The following NUP93 variants were observed in gnomAD, a reference collection of about 807,000 sequenced individuals.
The protein encoded by NUP93 is nucleoporin 93.
NUP93 carries 55 observed loss-of-function variants against 107.8 expected under a neutral mutation model. The ratio of observed to expected loss-of-function variants is 0.51; its 90% CI spans 0.41 to 0.64. NUP93 has a LOEUF of 0.64. Among genes scored for constraint, NUP93 ranks in the 30% least tolerant of loss-of-function variants. NUP93 has a pLI of 0.00. For missense variants in NUP93, 937 were observed against 1,044.7 expected, an observed-to-expected ratio of 0.90 and a Z score of 1.42; for synonymous variants, 390 against 397.5, an observed-to-expected ratio of 0.98 and a Z score of 0.22.
At chr16:56,825,205 CTTTTTT>C (rs34378384) in intron 8 of NUP93, among the ~76,000 whole-genome samples, 766 of 76,386 alleles carry the variant, frequency 0.01, 10 homozygotes, top group African/African-American at 0.039. Flanking sequence ...CCATACCCAG[CTTTTTT>C]TTTTTTTTTT....
At chr16:56,758,828 G>C (rs1027546361) in intron 3 of NUP93, among the ~76,000 whole-genome samples, 173 bp downstream of exon 3, 3 of 152,144 alleles carry the variant, frequency 2.0e-5, no homozygotes, top group African/African-American at 4.8e-5. Context: ...AAAACATTGG[G>C]TTATTTTCAG....
chr16:56,840,286 C>T (rs932385056), intron 20 of NUP93, among the ~76,000 whole-genome samples: 2 of 152,200 alleles, frequency 1.3e-5, no homozygotes, highest in Non-Finnish European at 2.9e-5. Context: ...TCCCAAAATG[C>T]TGGGATTACA....
At chr16:56,803,208 C>T (rs1469451423) in intron 4 of NUP93, among the ~76,000 whole-genome samples, 1 of 152,302 alleles carries the variant, frequency 6.6e-6, no homozygotes, top group East Asian at 1.9e-4. Flanking sequence ...CCTGTCATCC[C>T]AGCACTTTGG....
intron 3 of NUP93, among the ~76,000 whole-genome samples, chr16:56,773,062 A>C (rs1208417275): frequency 6.6e-6 from 1 of 152,228 alleles, no homozygotes; most frequent in Non-Finnish European, 1.5e-5. Flanking sequence ...TTGTGTGGTG[A>C]GAGCAGAGTA....
At chr16:56,761,710 T>C (rs1384910974) in intron 3 of NUP93, among the ~76,000 whole-genome samples, 2 of 152,250 alleles carry the variant, frequency 1.3e-5, no homozygotes, top group Non-Finnish European at 2.9e-5. Context: ...GACTTTGTAC[T>C]ATCCATCGTT....
intron 3 of NUP93, among the ~76,000 whole-genome samples, chr16:56,767,109 T>G (rs1470961264): frequency 6.6e-6 from 1 of 152,238 alleles, no homozygotes; most frequent in African/African-American, 2.4e-5. Flanking sequence ...CTAAGGCCCT[T>G]GATTCTGACA....
chr16:56,779,997 T>C (rs1300469039), intron 3 of NUP93, among the ~76,000 whole-genome samples: 1 of 152,158 alleles, frequency 6.6e-6, no homozygotes, highest in East Asian at 1.9e-4. Context: ...CAGTACAGTA[T>C]TTATTTGATC....
At chr16:56,762,228 T>C (rs1316277923) in intron 3 of NUP93, among the ~76,000 whole-genome samples, 1 of 152,212 alleles carries the variant, frequency 6.6e-6, no homozygotes, top group Non-Finnish European at 1.5e-5. Flanking sequence ...ACAGACCTAA[T>C]GTGTCATGGA....
At position 56,847,977 on chromosome 16, in the gene NUP93, G is replaced by A. The variant is rs1305500188; in HGVS notation, c.*3368G>A. The A allele has an allele frequency of 6.6e-6, 1 of 152,196 alleles. No individual in the cohort carries two copies. Among genetic ancestry groups the A allele is most frequent in the African/African-American group, 2.4e-5 (1 of 41,446 alleles). 9.4% of individuals were successfully genotyped at this position (152,196 alleles called of 1,614,324 possible). ...TTTGCTGACCAAAAAAAACCTGAGG[G>A]TGATTTTTCTCTCTTTGAATTTTTA... is the stretch of plus-strand genomic sequence containing the variant. On this transcript the variant is annotated 3_prime_UTR_variant, in exon 22 of 22. Transcript: ENST00000308159.
At chr16:56,808,954 A>G (rs1596824467) in intron 5 of NUP93, among the ~76,000 whole-genome samples, 1 of 151,682 alleles carries the variant, frequency 6.6e-6, no homozygotes, top group East Asian at 1.9e-4. Flanking sequence ...CACTATTAGT[A>G]CTTTCTTGTG....
Position 56,848,703 on chromosome 16 carries a change from C to T in NUP93, c.*4094C>T, listed in dbSNP as rs958639304. On this transcript the variant is annotated 3_prime_UTR_variant, in exon 22 of 22. Coordinates refer to ENST00000308159, the MANE Select transcript of NUP93 (RefSeq NM_014669.5). ...TCTGTGCTGCTTTTTTGCCTTGTTA[C>T]GCACATAACTTGTGACTGGCTAGAT... 5 of 152,162 alleles carry T rather than the reference C, an allele frequency of 3.3e-5. No individual in the cohort carries two copies. Among genetic ancestry groups the T allele is most frequent in the East Asian group, 1.9e-4 (1 of 5,200 alleles). 9.4% of individuals were successfully genotyped at this position (152,162 alleles called of 1,614,324 possible). A position where few individuals can be genotyped will look rare whatever the true frequency, so the allele number is the denominator to read the frequency against.
chr16:56,837,265 C>CA (rs1160850439), intron 17 of NUP93, among the ~76,000 whole-genome samples: 1 of 152,040 alleles, frequency 6.6e-6, no homozygotes, highest in Non-Finnish European at 1.5e-5. Flanking sequence ...GAAAAGTAGA[C>CA]AAAAAAACAG....
At chr16:56,814,796 G>A (rs1317377262) in intron 5 of NUP93, among the ~76,000 whole-genome samples, 1 of 152,140 alleles carries the variant, frequency 6.6e-6, no homozygotes, top group Non-Finnish European at 1.5e-5. Context: ...TTTGGTCTCT[G>A]GCTCCCTGCT....
chr16:56,747,313 G>A (rs1479002859), intron 1 of NUP93, among the ~76,000 whole-genome samples: 1 of 152,150 alleles, frequency 6.6e-6, no homozygotes, highest in African/African-American at 2.4e-5. Context: ...TTACCATGGT[G>A]CTACTTTTTA....
chr16:56,767,074 C>G (rs1347009153), intron 3 of NUP93, among the ~76,000 whole-genome samples: 1 of 152,238 alleles, frequency 6.6e-6, no homozygotes, highest in Non-Finnish European at 1.5e-5. Context: ...TCCCCAAGCC[C>G]AGGTTGCTGA....
intron 3 of NUP93, among the ~76,000 whole-genome samples, chr16:56,777,286 T>G (rs1049178733): frequency 2.6e-5 from 4 of 152,146 alleles, no homozygotes; most frequent in South Asian, 2.1e-4. Context: ...CCGAGGTGCA[T>G]TTCGTATCTG....
chr16:56,840,592 ACT>A (rs1453697899), intron 20 of NUP93, among the ~76,000 whole-genome samples: 3 of 151,938 alleles, frequency 2.0e-5, no homozygotes, highest in African/African-American at 7.3e-5. Context: ...AACTATAAAC[ACT>A]CAACTCAGCT....
In NUP93 at chr16:56,730,218, G is replaced by A. The variant is rs1168983703; in HGVS notation, c.-15+7G>A. 6.6e-6 allele frequency: 1 copy of A among 152,302 alleles called. No homozygotes were observed. Among genetic ancestry groups the A allele is most frequent in the African/African-American group, 2.4e-5 (1 of 41,460 alleles). 9.4% of individuals were successfully genotyped at this position (152,302 alleles called of 1,614,324 possible). ...GAGACGGCTGTAGCACAAGGTAAGGGTGTGTCTGGTCGCGTCCTTGCGACC... is the reference window on the plus strand; with the variant it reads ...GAGACGGCTGTAGCACAAGGTAAGGATGTGTCTGGTCGCGTCCTTGCGACC... On this transcript the variant is annotated splice_region_variant and intron_variant, in intron 1 of 21. Transcript: ENST00000308159.
intron 3 of NUP93, among the ~76,000 whole-genome samples, chr16:56,771,333 T>C (rs1304385567): frequency 1.3e-5 from 2 of 152,212 alleles, no homozygotes; most frequent in African/African-American, 4.8e-5. Context: ...TAAGATAGAT[T>C]AGTTACTGTA....
Sources: gnomAD v4.1 joint callset for allele counts (sites outside exome capture counted in the v4.1 genomes callset) on GRCh38, gnomAD v4.1.1 for gene constraint, MANE v1.5 for transcripts, NCBI Gene and HGNC (gene_info 2026-07-23, HGNC 2026-07-21) for gene names.